Variants in CSMD1 observed in about 807,000 individuals in gnomAD.
The protein encoded by CSMD1 is CUB and sushi domain-containing protein 1.
In CSMD1, 213 loss-of-function variants were observed where a neutral mutation model predicts 417.5. The ratio of observed to expected loss-of-function variants is 0.51; its 90% CI spans 0.46 to 0.57. The LOEUF (loss-of-function observed/expected upper bound fraction) is 0.57. CSMD1 is among the 20% of genes least tolerant of loss of function. The pLI is 0.00. For synonymous variants in CSMD1, 2,862 were observed against 1,736.8 expected (o/e 1.65, Z -16.11); for missense variants, 6,923 against 4,529.7 (o/e 1.53, Z -15.17).
chr8:3,142,335 C>G lies in CSMD1; in HGVS notation c.6241+130G>C, dbSNP rs138280969. 2.1e-5 allele frequency: 18 copies of G among 839,486 alleles called. No individual in the cohort carries two copies. In the East Asian group the frequency reaches 4.3e-4, roughly 20 times the overall value. The allele number at this position is 839,486 out of a possible 1,614,324, so 52.0% of individuals were successfully genotyped here. ...AAGTGTTCCACTACTAACCAGAAAC[C>G]AACATTCCACCAAAAAATTATTCCA... On this transcript the variant is annotated intron_variant, in intron 41 of 69. Coordinates refer to ENST00000635120, the MANE Select transcript of CSMD1 (RefSeq NM_033225.6).
intron 37 of CSMD1, among the ~76,000 whole-genome samples, chr8:3,179,512 A>G (rs1180584181): frequency 6.6e-6 from 1 of 152,208 alleles, no homozygotes; most frequent in African/African-American, 2.4e-5. Flanking sequence ...TCTAGGAATA[A>G]AGAGAAATGT....
intron 2 of CSMD1, among the ~76,000 whole-genome samples, chr8:4,556,402 C>G (rs1585244837): frequency 1.3e-5 from 2 of 152,168 alleles, no homozygotes; most frequent in African/African-American, 4.8e-5. Flanking sequence ...TGTAAGCTGG[C>G]AAGACTACAC....
At chr8:3,939,122 G>C (rs1398455662) in intron 5 of CSMD1, among the ~76,000 whole-genome samples, 1 of 152,062 alleles carries the variant, frequency 6.6e-6, no homozygotes, top group Non-Finnish European at 1.5e-5. Flanking sequence ...TTGAATTACA[G>C]AAAAACTGTT....
chr8:3,367,916 A>G (rs1809704432), intron 19 of CSMD1, among the ~76,000 whole-genome samples: 1 of 152,310 alleles, frequency 6.6e-6, no homozygotes, highest in East Asian at 1.9e-4. Context: ...ACAAATTTTC[A>G]ATTTACTCTA....
intron 5 of CSMD1, among the ~76,000 whole-genome samples, chr8:3,833,725 T>C (rs985941391): frequency 2.6e-5 from 4 of 152,258 alleles, no homozygotes; most frequent in Non-Finnish European, 4.4e-5. Context: ...ATAAGGTCTA[T>C]GTTGGCACTT....
intron 48 of CSMD1, among the ~76,000 whole-genome samples, chr8:3,090,314 TTC>T (rs1563328076): frequency 4.4e-5 from 2 of 45,120 alleles, no homozygotes; most frequent in Non-Finnish European, 3.7e-5. Flanking sequence ...CAGACTGTAT[TTC>T]AAAAAAAAAA....
intron 26 of CSMD1, among the ~76,000 whole-genome samples, chr8:3,249,824 A>G (rs1454631557): frequency 6.6e-6 from 1 of 152,214 alleles, no homozygotes. Flanking sequence ...CAATTTAGTG[A>G]TGTTTATTTT....
At chr8:3,847,418 GT>G (rs1554459650) in intron 5 of CSMD1, among the ~76,000 whole-genome samples, 2 of 152,166 alleles carry the variant, frequency 1.3e-5, no homozygotes, top group Non-Finnish European at 2.9e-5. Context: ...GGGAGGGACA[GT>G]TGGCTGCGAG....
At chr8:4,608,651 C>T (rs989277882) in intron 2 of CSMD1, among the ~76,000 whole-genome samples, 4 of 152,262 alleles carry the variant, frequency 2.6e-5, no homozygotes, top group South Asian at 2.1e-4. Context: ...TTTTAATCAC[C>T]GTTTATTAAG....
At chr8:4,781,745 G>C (rs866544909) in intron 1 of CSMD1, among the ~76,000 whole-genome samples, 1 of 152,118 alleles carries the variant, frequency 6.6e-6, no homozygotes, top group Admixed American at 6.6e-5. Context: ...TTACTATATG[G>C]TAACCATTCT....
chr8:4,402,044 C>T (rs932186722), intron 3 of CSMD1, among the ~76,000 whole-genome samples: 1 of 152,244 alleles, frequency 6.6e-6, no homozygotes, highest in Non-Finnish European at 1.5e-5. Flanking sequence ...CTTCACTATC[C>T]TGCTAAATGG....
chr8:4,600,912 A>C (rs1563324043), intron 2 of CSMD1, among the ~76,000 whole-genome samples: 1 of 152,134 alleles, frequency 6.6e-6, no homozygotes, highest in Non-Finnish European at 1.5e-5. Flanking sequence ...AAAAATATTA[A>C]AGTAATGTAA....
At chr8:4,902,662 T>C (rs1267929000) in intron 1 of CSMD1, among the ~76,000 whole-genome samples, 11 of 152,156 alleles carry the variant, frequency 7.2e-5, no homozygotes, top group Non-Finnish European at 1.6e-4. Context: ...GGCATATACT[T>C]TAATCATTTA....
At chr8:4,102,361 A>G (rs1801348519) in intron 3 of CSMD1, among the ~76,000 whole-genome samples, 1 of 152,204 alleles carries the variant, frequency 6.6e-6, no homozygotes. Context: ...TTTTCCTTGC[A>G]AGAGAAACTG....
intron 23 of CSMD1, among the ~76,000 whole-genome samples, chr8:3,325,578 C>G (rs28368194): frequency 0.17 from 26,137 of 152,070 alleles, 2,813 homozygotes; most frequent in African/African-American, 0.3. Context: ...AATCCCAGCA[C>G]TTTGGGAGGC....
At chr8:3,853,919 A>G (rs1381502223) in intron 5 of CSMD1, among the ~76,000 whole-genome samples, 1 of 146,954 alleles carries the variant, frequency 6.8e-6, no homozygotes, top group African/African-American at 2.5e-5. Flanking sequence ...ACATTAAAGT[A>G]TAATATATTA....
At chr8:3,133,608 G>A (rs908887388) in intron 41 of CSMD1, among the ~76,000 whole-genome samples, 2 of 152,180 alleles carry the variant, frequency 1.3e-5, no homozygotes, top group Non-Finnish European at 2.9e-5. Context: ...GGGCTTTAGG[G>A]CTGCAGTCAG....
rs1816302322 is a variant in CSMD1, at chr8:3,108,618, C to A, written c.6739G>T (p.Val2247Phe). The change falls in exon 44 of 70, where the codon GTC becomes TTC. Residue 2247 changes from valine to phenylalanine, a missense_variant. Transcript: ENST00000635120. ...ATCAACTGACCGTGGAAATTGAGGA[C>A]AAAGAAGCCTCCATTTGAAAAGTCG... is the stretch of plus-strand genomic sequence containing the variant. ...HSDFSNGGFFVLNFHAFQLKK... is the reference protein window; with the variant it reads ...HSDFSNGGFFFLNFHAFQLKK... 1.2e-6 allele frequency: 2 copies of A among 1,613,608 alleles called. No individual in the cohort carries two copies. The highest frequency in any genetic ancestry group is 2.7e-5 in the African/African-American group (2 of 74,884).
At chr8:3,399,630 CTG>C (rs1199742012) in intron 15 of CSMD1, 101 bp from the exon 16 acceptor site, 1 of 874,384 alleles carries the variant, frequency 1.1e-6, no homozygotes, top group African/African-American at 1.7e-5. Context: ...TGTTCATAGA[CTG>C]AATATTTTCA....
Sources: allele counts gnomAD v4.1 joint callset (sites outside exome capture counted in the v4.1 genomes callset), GRCh38; gene constraint gnomAD v4.1.1; transcripts MANE v1.5; gene names NCBI Gene and HGNC (gene_info 2026-07-23, HGNC 2026-07-21).